The following VIPR2 variants were observed in gnomAD, a reference collection of about 807,000 sequenced individuals.
VIPR2 encodes vasoactive intestinal peptide receptor 2, also known as vasoactive intestinal polypeptide receptor 2.
In VIPR2, 48 loss-of-function variants were observed where a neutral mutation model predicts 58.0. The observed-to-expected ratio is 0.83, with a 90% confidence interval of 0.66 to 1.05. The LOEUF is 1.05. Ranked by LOEUF, VIPR2 falls within the 50% of genes least tolerant of loss-of-function variation. The pLI, the probability that VIPR2 is intolerant of heterozygous loss-of-function variation, is 0.00. For missense variants in VIPR2, 534 were observed against 558.0 expected (o/e 0.96, Z 0.43); for synonymous variants, 243 against 235.2 (o/e 1.03, Z -0.30).
At position 159,034,319 on chromosome 7, in the gene VIPR2, A is replaced by G. The variant is rs1280858458; in HGVS notation, c.880-15T>C. ...ACAAAATTGACCTGCACAAGAGATA[A>G]TAAGTTTGTGAAACAGACACGTGGA... On this transcript the variant is annotated splice_polypyrimidine_tract_variant and intron_variant, in intron 9 of 12. Transcript: ENST00000262178. 6 of 1,612,376 alleles carry G rather than the reference A, an allele frequency of 3.7e-6. No homozygotes were observed. The highest frequency in any genetic ancestry group is 1.3e-5 in the African/African-American group (1 of 74,844).
chr7:159,040,120 TGA>T (rs1854232468), intron 6 of VIPR2, among the ~76,000 whole-genome samples: 1 of 152,174 alleles, frequency 6.6e-6, no homozygotes, highest in South Asian at 2.1e-4. Context: ...ACAAGCACAC[TGA>T]GGAAGGGAGG....
rs1855452149 is a variant in VIPR2 at position 159,058,497 on chromosome 7, T to G, written c.439A>C (p.Ile147Leu). 2 of 1,613,064 alleles carry G rather than the reference T, an allele frequency of 1.2e-6. No individual in the cohort carries two copies. Among genetic ancestry groups the G allele is most frequent in the Non-Finnish European group, 1.7e-6 (2 of 1,179,080 alleles). The change falls in exon 5 of 13, where the codon ATT (isoleucine) becomes CTT (leucine). Residue 147 changes from isoleucine (I) to leucine (L), a missense_variant. This residue lies in a region of VIPR2 where 224 missense variants were observed against 255.7 expected (regional missense o/e 0.88). Coordinates refer to ENST00000262178, the MANE Select transcript of VIPR2 (RefSeq NM_003382.5). ...SLMSLATGSI[I>L]LCLFRKLHCT... ...GCTCCTTACCTGAAGAGGCACAGAA[T>G]TATGCTTCCTGTTGCAAGAGACATC...
At chr7:159,041,225 C>G (rs1024496488) in intron 6 of VIPR2, among the ~76,000 whole-genome samples, 5 of 152,238 alleles carry the variant, frequency 3.3e-5, no homozygotes, top group African/African-American at 7.2e-5. Context: ...GTGTGGGAGG[C>G]CAGGCCCTCC....
intron 6 of VIPR2, among the ~76,000 whole-genome samples, chr7:159,037,530 A>G (rs1247547420): frequency 6.6e-6 from 1 of 152,194 alleles, no homozygotes; most frequent in African/African-American, 2.4e-5. Context: ...TTTTTTTTAA[A>G]TTTTTGACAA....
At chr7:159,039,836 A>G (rs1854208581) in intron 6 of VIPR2, among the ~76,000 whole-genome samples, 1 of 152,232 alleles carries the variant, frequency 6.6e-6, no homozygotes, top group Non-Finnish European at 1.5e-5. Flanking sequence ...ACACCAGTCC[A>G]TAAAGACGCA....
chr7:159,067,663 T>C (rs1856166318), intron 4 of VIPR2, among the ~76,000 whole-genome samples: 1 of 152,176 alleles, frequency 6.6e-6, no homozygotes, highest in Admixed American at 6.5e-5. Flanking sequence ...GCAGGAAGTG[T>C]TCATGATCAG....
At chr7:159,126,480 A>C (rs1796653614) in intron 2 of VIPR2, among the ~76,000 whole-genome samples, 2 of 152,350 alleles carry the variant, frequency 1.3e-5, no homozygotes, top group Non-Finnish European at 1.5e-5. Context: ...AACAGAGAGG[A>C]AAGAGCCTTC....
intron 5 of VIPR2, among the ~76,000 whole-genome samples, chr7:159,046,588 C>T (rs537126791): frequency 2.6e-5 from 4 of 152,018 alleles, no homozygotes; most frequent in South Asian, 4.2e-4. Context: ...ATAGGAAGTT[C>T]GGGAACTAGC....
At chr7:159,088,521 C>T (rs1352661911) in intron 4 of VIPR2, among the ~76,000 whole-genome samples, 1 of 152,160 alleles carries the variant, frequency 6.6e-6, no homozygotes, top group African/African-American at 2.4e-5. Flanking sequence ...CACAGCTGTA[C>T]ACCTGCACAC....
intron 2 of VIPR2, among the ~76,000 whole-genome samples, chr7:159,140,976 T>C (rs1797443260): frequency 6.6e-6 from 1 of 152,100 alleles, no homozygotes; most frequent in South Asian, 2.1e-4. Flanking sequence ...TTTAAGAAAG[T>C]GGAATATTTT....
intron 4 of VIPR2, among the ~76,000 whole-genome samples, chr7:159,078,234 C>T (rs944607111): frequency 4.6e-5 from 7 of 152,224 alleles, no homozygotes; most frequent in African/African-American, 1.7e-4. Context: ...TCTCAACTGG[C>T]TTCCCTCTGA....
At position 159,059,338 on chromosome 7, in the gene VIPR2, T is replaced by G; in HGVS notation, c.358-760A>C. 6.4e-6 allele frequency: 3 copies of G among 471,438 alleles called. 1 individual carries two copies. The highest frequency in any genetic ancestry group is 3.1e-5 in the South Asian group (2 of 64,560). 29.2% of individuals were successfully genotyped at this position (471,438 alleles called of 1,614,324 possible). On this transcript the variant is annotated intron_variant, in intron 4 of 12. Coordinates refer to ENST00000262178, the MANE Select transcript of VIPR2 (RefSeq NM_003382.5). Reference sequence around the variant, plus strand: ...CCAAAGGCCGCTTCCTGGTCTGCATTTTCTTGATAAAGCTAATTCCTATAA... The same window carrying G: ...CCAAAGGCCGCTTCCTGGTCTGCATGTTCTTGATAAAGCTAATTCCTATAA...
At chr7:159,116,437 G>A (rs1371661967) in intron 2 of VIPR2, among the ~76,000 whole-genome samples, 1 of 151,880 alleles carries the variant, frequency 6.6e-6, no homozygotes, top group East Asian at 1.9e-4. Context: ...GGGAAAGCAA[G>A]TGGGCAGAGT....
intron 6 of VIPR2, among the ~76,000 whole-genome samples, chr7:159,041,180 A>G (rs542488513): frequency 3.3e-5 from 5 of 152,338 alleles, no homozygotes; most frequent in African/African-American, 1.2e-4. Flanking sequence ...GTGTCCACAG[A>G]AACAGCCCGG....
At chr7:159,136,949 C>T (rs375920665) in intron 2 of VIPR2, among the ~76,000 whole-genome samples, 1 of 151,934 alleles carries the variant, frequency 6.6e-6, no homozygotes, top group Admixed American at 6.6e-5. Flanking sequence ...GTGTGAGAGC[C>T]CAAGGATGGA....
intron 4 of VIPR2, among the ~76,000 whole-genome samples, chr7:159,092,830 G>A (rs1222123709): frequency 6.6e-6 from 1 of 151,940 alleles, no homozygotes; most frequent in Non-Finnish European, 1.5e-5. Flanking sequence ...GAAGGACTGT[G>A]GCTCCGTGTC....
chr7:159,135,409 G>A (rs1797174207), intron 2 of VIPR2, among the ~76,000 whole-genome samples: 1 of 152,012 alleles, frequency 6.6e-6, no homozygotes, highest in Admixed American at 6.6e-5. Flanking sequence ...TCCAATCTGG[G>A]TGACAGAGTG....
intron 2 of VIPR2, among the ~76,000 whole-genome samples, chr7:159,114,694 C>A (rs1004291810): frequency 3.3e-5 from 5 of 151,868 alleles, no homozygotes; most frequent in African/African-American, 1.2e-4. Context: ...CAGTCCCAGC[C>A]ACCCAGGAGG....
In VIPR2 at chr7:159,031,885, A is replaced by G. The variant is rs778131954; in HGVS notation, c.1102-16T>C. The G allele has an allele frequency of 6.2e-7, 1 of 1,614,036 alleles. No homozygotes were observed. Among genetic ancestry groups the G allele is most frequent in the East Asian group, 2.2e-5 (1 of 44,864 alleles). On this transcript the variant is annotated splice_polypyrimidine_tract_variant and intron_variant, in intron 11 of 12. Transcript: ENST00000262178. The surrounding 1 kb of genome is among the most constrained non-coding windows in gnomAD (Gnocchi z 4.0). ...CCACCAGGCCCTGCAATGAGAAGAG[A>G]TGGTCAGGCAGGACCCGCGCTCGGG...
Sources: allele counts gnomAD v4.1 joint callset (sites outside exome capture counted in the v4.1 genomes callset), GRCh38; gene constraint gnomAD v4.1.1; regional missense constraint gnomAD v4.1.1; non-coding constraint Gnocchi (gnomAD v3.1); transcripts MANE v1.5; gene names NCBI Gene and HGNC (gene_info 2026-07-23, HGNC 2026-07-21).